Variants in PADI4 observed in about 807,000 individuals in gnomAD.
The protein encoded by PADI4 is peptidyl arginine deiminase 4.
A neutral mutation model predicts 75.0 loss-of-function variants in PADI4; 62 were observed. That is an observed-to-expected ratio of 0.83 (90% confidence interval 0.67 to 1.02). PADI4 has a LOEUF of 1.02. Ranked by LOEUF, PADI4 falls within the 50% of genes least tolerant of loss-of-function variation. PADI4 has a pLI of 0.00. For synonymous variants in PADI4, 361 were observed against 348.1 expected (o/e 1.04, Z -0.41); for missense variants, 845 against 850.5 (o/e 0.99, Z 0.08).
At chr1:17,315,712 A>G (rs1402330663) in intron 1 of PADI4, among the ~76,000 whole-genome samples, 1 of 151,984 alleles carries the variant, frequency 6.6e-6, no homozygotes, top group Non-Finnish European at 1.5e-5. Context: ...GGGGAGGAGC[A>G]AGTAAAAGAA....
intron 3 of PADI4, 78 bp from the exon 4 acceptor site, chr1:17,336,081 C>A (rs2074303913): frequency 2.1e-6 from 2 of 945,976 alleles, no homozygotes; most frequent in Non-Finnish European, 3.5e-6. Flanking sequence ...GGGGAAACGA[C>A]CTGCCCATTC....
At chr1:17,358,264 T>C (rs1275535299) in intron 13 of PADI4, among the ~76,000 whole-genome samples, 5 of 136,052 alleles carry the variant, frequency 3.7e-5, no homozygotes, top group Middle Eastern at 3.6e-3. Flanking sequence ...AAAAAAAAAT[T>C]ACACTATAAA....
At chr1:17,348,135 C>T (rs758173590) in intron 10 of PADI4, 87 bp downstream of exon 10, 56 of 818,924 alleles carry the variant, frequency 6.8e-5, no homozygotes, top group African/African-American at 1.2e-4. Flanking sequence ...TCCCCGCCCG[C>T]GCCTGTAGCT....
At chr1:17,310,663 T>C (rs533467001) in intron 1 of PADI4, among the ~76,000 whole-genome samples, 55 of 151,856 alleles carry the variant, frequency 3.6e-4, no homozygotes, top group Non-Finnish European at 7.4e-4. Context: ...GAGGGTCACA[T>C]AAATTAAAGG....
rs759901753 is a variant in PADI4, at chr1:17,333,954, A to G, written c.285A>G (p.Ser95=). ...CTGCTCTCCCATAGGTTCAGATTTC[A>G]TACTACGGACCCAAGACTCCACCAG... The part of the protein sequence containing the change: ...GSTGDQKVQI[S]YYGPKTPPVK... The change falls in exon 3 of 16, where the codon TCA becomes TCG. Residue 95 remains serine, a synonymous_variant. Coordinates refer to ENST00000375448, the MANE Select transcript of PADI4 (RefSeq NM_012387.3). 11 of 1,612,172 alleles carry G rather than the reference A, an allele frequency of 6.8e-6. No homozygotes were observed. The African/African-American group carries it at 9.4e-5, about 14-fold the overall frequency.
intron 10 of PADI4, 129 bp from the exon 11 acceptor site, chr1:17,354,404 G>C: frequency 1.3e-6 from 1 of 773,002 alleles, no homozygotes; most frequent in Non-Finnish European, 2.3e-6. Flanking sequence ...AACAGCACCT[G>C]CTATGTGCCA....
At chr1:17,343,031 C>T (rs1382299565) in intron 8 of PADI4, among the ~76,000 whole-genome samples, 1 of 151,486 alleles carries the variant, frequency 6.6e-6, no homozygotes, top group African/African-American at 2.4e-5. Flanking sequence ...ACTAAAAATA[C>T]AAAAAATTAG....
At position 17,363,616 on chromosome 1, in the gene PADI4, C is replaced by G; in HGVS notation, c.1853C>G (p.Ser618Cys). Residue 618 changes from serine to cysteine, a missense_variant, in exon 16 of 16, where the codon TCC (serine) becomes TGC (cysteine). Ser to Cys is a moderately radical substitution (Grantham distance 112). Transcript: ENST00000375448. ...TGCTGCCTGGAGGAGAAGGTGTGTT[C>G]CCTGCTGGAGCCACTGGGCCTCCAG... is the stretch of plus-strand genomic sequence containing the variant. ...GRCCLEEKVC[S>C]LLEPLGLQCT... 6.2e-7 allele frequency: 1 copy of G among 1,614,146 alleles called. No individual in the cohort carries two copies. Among genetic ancestry groups the G allele is most frequent in the Non-Finnish European group, 8.5e-7 (1 of 1,179,978 alleles).
At position 17,354,575 on chromosome 1, in the gene PADI4, G is replaced by A; in HGVS notation, c.1198G>A (p.Gly400Ser). ...TGTAACTCGAGGGCCCCAAACAGGGGGTATCAGTGGACTGGACTCCTTTGG... is the reference window on the plus strand; with the variant it reads ...TGTAACTCGAGGGCCCCAAACAGGGAGTATCAGTGGACTGGACTCCTTTGG... The part of the protein sequence containing the change: ...GYVTRGPQTG[G>S]ISGLDSFGNL... The change falls in exon 11 of 16, where the codon GGT (glycine) becomes AGT (serine). Residue 400 changes from glycine (G) to serine (S), a missense_variant. Transcript: ENST00000375448. 9 of 1,614,134 alleles carry A rather than the reference G, an allele frequency of 5.6e-6. No homozygotes were observed. The highest frequency in any genetic ancestry group is 7.6e-6 in the Non-Finnish European group (9 of 1,180,010).
At chr1:17,354,822 T>C in intron 11 of PADI4, 135 bp downstream of exon 11, 1 of 849,210 alleles carries the variant, frequency 1.2e-6, no homozygotes, top group South Asian at 1.9e-5. Flanking sequence ...GTGAGAGGAA[T>C]CCAAGCGCAG....
rs1055454995 is a variant in PADI4 at position 17,363,840 on chromosome 1, T to C, written c.*85T>C. On this transcript the variant is annotated 3_prime_UTR_variant, in exon 16 of 16. Coordinates refer to ENST00000375448, the MANE Select transcript of PADI4 (RefSeq NM_012387.3). ...TGGCAAGCAAGAGCTCTTGTGAATA[T>C]TGTGGCTCCCTGGGGGCGGCCAGCC... 5 of 957,218 alleles carry C rather than the reference T, an allele frequency of 5.2e-6. No individual in the cohort carries two copies. Among genetic ancestry groups the C allele is most frequent in the Non-Finnish European group, 8.1e-6 (5 of 617,722 alleles). 59.3% of individuals were successfully genotyped at this position (957,218 alleles called of 1,614,324 possible).
chr1:17,332,431 G>T (rs1001095824), intron 2 of PADI4, among the ~76,000 whole-genome samples: 1 of 151,930 alleles, frequency 6.6e-6, no homozygotes, highest in Non-Finnish European at 1.5e-5. Context: ...ATTTTTTTTA[G>T]TAGAGATGGG....
rs778586964 is a variant in PADI4 at position 17,331,194 on chromosome 1, AG to A, written c.273+48del. 2.6e-6 allele frequency: 4 copies of A among 1,525,928 alleles called. No individual in the cohort carries two copies. The South Asian group carries it at 4.6e-5, about 18-fold the overall frequency. 94.5% of individuals were successfully genotyped at this position (1,525,928 alleles called of 1,614,324 possible). ...GGTGGCAGTGTGGATGGGCTTCAGC[AG>A]GGCAGCCACACACACTCTGTCCTGC... On this transcript the variant is annotated intron_variant, in intron 2 of 15. Transcript: ENST00000375448.
rs140269582 is a variant in PADI4 at position 17,345,315 on chromosome 1, T to C, written c.936-713T>C. Among the ~76,000 whole-genome samples, 649 of 152,358 alleles carry C rather than the reference T, an allele frequency of 4.3e-3. 5 individuals carry two copies. Among genetic ancestry groups the C allele is most frequent in the African/African-American group, 0.015 (608 of 41,584 alleles). On this transcript the variant is annotated intron_variant, in intron 8 of 15. Transcript: ENST00000375448. The stretch of plus-strand genomic sequence containing the variant: ...GCTTGCTTTTGATTTTACAGGCTCA[T>C]AGGAGGAAGGGACTTGCCCTGTCTC...
In PADI4 at chr1:17,346,128, C is replaced by T. The variant is rs1213258566; in HGVS notation, c.1036C>T (p.Gln346Ter). Residue 346 changes from glutamine (Q) to a stop codon, truncating the protein, a stop_gained, in exon 9 of 16, where the codon CAG becomes TAG. Coordinates refer to ENST00000375448, the MANE Select transcript of PADI4 (RefSeq NM_012387.3). LOFTEE classifies it high-confidence loss of function. This position sits in a 1 kb window ranked among gnomAD's most constrained non-coding sequence, Gnocchi z 4.3. ...CCCTGAGGAGGAGAACATGGATGAC[C>T]AGTGGATGCAGGTATGTGCCCTGCG... ...ICPEEENMDD[Q>*]WMQDEMEIGY... The T allele has an allele frequency of 1.9e-6, 3 of 1,609,146 alleles. No homozygotes were observed. Among genetic ancestry groups the T allele is most frequent in the Non-Finnish European group, 2.6e-6 (3 of 1,175,540 alleles).
chr1:17,311,058 C>A (rs2073816434), intron 1 of PADI4, among the ~76,000 whole-genome samples: 1 of 150,092 alleles, frequency 6.7e-6, no homozygotes, highest in South Asian at 2.1e-4. Context: ...GATTGTGCCA[C>A]TGAACTCCAG....
intron 11 of PADI4, among the ~76,000 whole-genome samples, chr1:17,355,727 A>T (rs779709434): frequency 6.6e-6 from 1 of 152,120 alleles, no homozygotes; most frequent in Non-Finnish European, 1.5e-5. Flanking sequence ...CATCTAACTC[A>T]AGAGGCAGTG....
At chr1:17,349,703 A>C (rs373604670) in intron 10 of PADI4, among the ~76,000 whole-genome samples, 4 of 4,124 alleles carry the variant, frequency 9.7e-4, no homozygotes, top group African/African-American at 4.4e-3. Flanking sequence ...AGACTGTATC[A>C]AAAAAAAAAA....
rs115923531 is a variant in PADI4, at chr1:17,341,910, C to T, written c.653-33C>T. On this transcript the variant is annotated intron_variant, in intron 6 of 15. Coordinates refer to ENST00000375448, the MANE Select transcript of PADI4 (RefSeq NM_012387.3). ...GAGGAAAAGTCTTCAGAAGTGGGGA[C>T]GCAGACCTGAGTCTCCCCTGCCTCT... The T allele has an allele frequency of 4.8e-3, 7,471 of 1,568,690 alleles. 318 individuals carry two copies. In the African/African-American group the frequency reaches 0.091, roughly 19 times the overall value.
Sources: gnomAD v4.1 joint callset for allele counts (sites outside exome capture counted in the v4.1 genomes callset) on GRCh38, gnomAD v4.1.1 for gene constraint, Gnocchi (gnomAD v3.1) non-coding constraint, MANE v1.5 for transcripts, NCBI Gene and HGNC (gene_info 2026-07-23, HGNC 2026-07-21) for gene names.